NFIA: variants seen among roughly 807,000 people sequenced by gnomAD.
The protein encoded by NFIA is nuclear factor 1 A-type.
Under a neutral mutation model 62.8 loss-of-function variants are expected in NFIA, and 8 were observed. The observed-to-expected ratio is 0.13, with a 90% CI of 0.07 to 0.23. The LOEUF is 0.23. Ranked by LOEUF, NFIA falls within the 10% of genes least tolerant of loss-of-function variation. The probability of loss-of-function intolerance (pLI) is 1.00; values close to 1 mark genes in which losing one functional copy is unlikely to be tolerated. For missense variants in NFIA, 410 were observed against 642.1 expected, an observed-to-expected ratio of 0.64 and a Z score of 3.91; for synonymous variants, 235 against 238.1, an observed-to-expected ratio of 0.99 and a Z score of 0.12.
At chr1:61,259,403 A>G (rs924127315) in intron 2 of NFIA, among the ~76,000 whole-genome samples, 2 of 152,150 alleles carry the variant, frequency 1.3e-5, no homozygotes, top group African/African-American at 2.4e-5. Flanking sequence ...TATTGAACAT[A>G]TATTATGTGC....
Position 61,253,078 on chromosome 1 carries a change from A to G in NFIA, c.560-24442A>G, listed in dbSNP as rs1371476484. Among the ~76,000 whole-genome samples the G allele has an allele frequency of 3.3e-5, 5 of 152,352 alleles. No individual in the cohort carries two copies. The South Asian group carries it at 1.0e-3, about 32-fold the overall frequency. Reference sequence around the variant, plus strand: ...TTCCATAAAGAAGTTCAGTCCAGCCATGTTCCAAATGCTCTGAGTATAGGC... The same window carrying G: ...TTCCATAAAGAAGTTCAGTCCAGCCGTGTTCCAAATGCTCTGAGTATAGGC... On this transcript the variant is annotated intron_variant, in intron 2 of 10. Transcript: ENST00000403491.
chr1:61,213,814 G>A (rs1653419391), intron 2 of NFIA, among the ~76,000 whole-genome samples: 1 of 152,106 alleles, frequency 6.6e-6, no homozygotes, highest in Admixed American at 6.6e-5. Context: ...CTCCTACTCT[G>A]TCACACTGCA....
intron 2 of NFIA, among the ~76,000 whole-genome samples, chr1:61,126,261 C>T (rs1207461680): frequency 6.6e-6 from 1 of 152,102 alleles, no homozygotes; most frequent in Non-Finnish European, 1.5e-5. Context: ...TTTAAAAATT[C>T]TTTCTTTTAT....
At chr1:61,288,384 G>A (rs1290698974) in intron 3 of NFIA, among the ~76,000 whole-genome samples, 1 of 152,116 alleles carries the variant, frequency 6.6e-6, no homozygotes, top group African/African-American at 2.4e-5. Flanking sequence ...AACTTTGCTA[G>A]GTATGACAAA....
Position 61,229,041 on chromosome 1 carries a change from A to G in NFIA, c.560-48479A>G, listed in dbSNP as rs528954414. Among the ~76,000 whole-genome samples, 12 of 152,294 alleles carry G rather than the reference A, an allele frequency of 7.9e-5. No individual in the cohort carries two copies. In the East Asian group the frequency reaches 2.3e-3, roughly 29 times the overall value. On this transcript the variant is annotated intron_variant, in intron 2 of 10. Transcript: ENST00000403491. ...GAATGCAAATATATTGCCCAAAAAA[A>G]TACACAAATTATTGTCTTTCATATA...
chr1:61,194,004 GT>G (rs1267098291), intron 2 of NFIA, among the ~76,000 whole-genome samples: 1 of 152,200 alleles, frequency 6.6e-6, no homozygotes, highest in Admixed American at 6.5e-5. Context: ...AATAGGGGAA[GT>G]GCTTGTACAG....
At chr1:61,119,904 C>T (rs1646860099) in intron 2 of NFIA, among the ~76,000 whole-genome samples, 1 of 152,104 alleles carries the variant, frequency 6.6e-6, no homozygotes, top group Admixed American at 6.5e-5. Context: ...CTGTGTCTTA[C>T]CAACTTTGAT....
chr1:61,247,532 C>G (rs541523471), intron 2 of NFIA, among the ~76,000 whole-genome samples: 11 of 152,260 alleles, frequency 7.2e-5, no homozygotes, highest in Admixed American at 7.2e-4. Context: ...TGTTACAGCT[C>G]CCCACCTGGC....
chr1:61,125,145 A>C (rs1430119687), intron 2 of NFIA: 1 of 152,236 alleles, frequency 6.6e-6, no homozygotes, highest in African/African-American at 2.4e-5. Context: ...TTATAAAACT[A>C]TTCTAACTAA....
intron 2 of NFIA, among the ~76,000 whole-genome samples, chr1:61,266,295 A>G (rs1657159962): frequency 6.6e-6 from 1 of 152,100 alleles, no homozygotes; most frequent in South Asian, 2.1e-4. Context: ...CCAAACACCT[A>G]TTGACCTTTC....
chr1:61,453,008 G>A (rs1247439242), intron 10 of NFIA, among the ~76,000 whole-genome samples: 1 of 152,108 alleles, frequency 6.6e-6, no homozygotes, highest in African/African-American at 2.4e-5. Flanking sequence ...CCCCCCAAAA[G>A]AAAAGTGTGC....
At chr1:61,126,777 CTTTTTTTTTTTTTT>C (rs56255004) in intron 2 of NFIA, among the ~76,000 whole-genome samples, 10 of 87,332 alleles carry the variant, frequency 1.1e-4, no homozygotes, top group African/African-American at 2.6e-4. Flanking sequence ...TGTCAGATTC[CTTTTTTTTTTTTTT>C]TTTTTTTTTT....
At chr1:61,334,595 A>C (rs1199130322) in intron 4 of NFIA, among the ~76,000 whole-genome samples, 2 of 83,530 alleles carry the variant, frequency 2.4e-5, no homozygotes, top group African/African-American at 8.5e-5. Flanking sequence ...ATATATATAT[A>C]TATATATATA....
chr1:61,366,127 C>G (rs925792870), intron 6 of NFIA, among the ~76,000 whole-genome samples: 3 of 152,140 alleles, frequency 2.0e-5, no homozygotes, highest in African/African-American at 7.2e-5. Context: ...AAAGGCAGCT[C>G]TGTGGCTGTT....
intron 2 of NFIA, among the ~76,000 whole-genome samples, chr1:61,099,737 G>A (rs1332579063): frequency 6.6e-6 from 1 of 152,160 alleles, no homozygotes; most frequent in East Asian, 1.9e-4. Flanking sequence ...AAGAGGCAAA[G>A]CCAGCATTTA....
chr1:61,359,624 G>A (rs1004423922), intron 6 of NFIA, among the ~76,000 whole-genome samples: 3 of 151,900 alleles, frequency 2.0e-5, no homozygotes, highest in East Asian at 3.9e-4. Flanking sequence ...CCTGTCGCCC[G>A]GGCTGGAGTA....
intron 2 of NFIA, among the ~76,000 whole-genome samples, chr1:61,258,232 G>A (rs867868667): frequency 6.6e-6 from 1 of 152,064 alleles, no homozygotes; most frequent in African/African-American, 2.4e-5. Context: ...ATTTTTAAAA[G>A]AATTTAATTT....
At chr1:61,112,526 G>T (rs533245207) in intron 2 of NFIA, among the ~76,000 whole-genome samples, 1 of 152,084 alleles carries the variant, frequency 6.6e-6, no homozygotes, top group Non-Finnish European at 1.5e-5. Context: ...GCTATTGCTG[G>T]ACTCTTAAGA....
At chr1:61,110,720 A>T (rs905433621) in intron 2 of NFIA, among the ~76,000 whole-genome samples, 1 of 152,100 alleles carries the variant, frequency 6.6e-6, no homozygotes, top group African/African-American at 2.4e-5. Context: ...GTTTCTTACC[A>T]TGGTGAAATG....
Sources: gnomAD v4.1 joint callset for allele counts (sites outside exome capture counted in the v4.1 genomes callset) on GRCh38, gnomAD v4.1.1 for gene constraint, MANE v1.5 for transcripts, NCBI Gene and HGNC (gene_info 2026-07-23, HGNC 2026-07-21) for gene names.